The following C2orf66 variants were observed in gnomAD, a reference collection of about 807,000 sequenced individuals.
C2orf66 encodes the protein uncharacterized protein C2orf66.
A neutral mutation model predicts 7.0 loss-of-function variants in C2orf66; 6 were observed. The ratio of observed to expected loss-of-function variants is 0.86; its 90% CI spans 0.47 to 1.69. The LOEUF is 1.69. Ranked by LOEUF, C2orf66 falls within the 40% of genes most tolerant of loss-of-function variation. The pLI, the probability that C2orf66 is intolerant of heterozygous loss-of-function variation, is 0.01. For missense variants in C2orf66, 107 were observed against 112.0 expected (o/e 0.96, Z 0.20); for synonymous variants, 38 against 43.8 (o/e 0.87, Z 0.52).
chr2:196,814,346 C>T (rs900215617), upstream of C2orf66, among the ~76,000 whole-genome samples: 2 of 152,094 alleles, frequency 1.3e-5, no homozygotes, highest in Non-Finnish European at 2.9e-5. Context: ...ACTGCATGTT[C>T]TCACTCAATA....
the C2orf66 span, among the ~76,000 whole-genome samples, chr2:196,828,349 C>T: frequency 5.7e-3 from 859 of 152,034 alleles, 13 homozygotes; most frequent in African/African-American, 0.02. Context: ...GGACTTTTCT[C>T]TCACTGAAAC....
chr2:196,807,763 G>GT (rs11378936), intron 1 of C2orf66, 141 bp from the exon 2 acceptor site: 79,638 of 672,292 alleles, frequency 0.12, 5,260 homozygotes, highest in Middle Eastern at 0.16. Flanking sequence ...AGAAATACAA[G>GT]TACATGCTTC....
At chr2:196,807,012 C>T (rs1030017079) in intron 2 of C2orf66, among the ~76,000 whole-genome samples, 1 of 152,140 alleles carries the variant, frequency 6.6e-6, no homozygotes, top group Non-Finnish European at 1.5e-5. Context: ...CCCCAAAGAA[C>T]CATACTTTCA....
the C2orf66 span, among the ~76,000 whole-genome samples, chr2:196,821,038 A>T: frequency 6.6e-6 from 1 of 152,194 alleles, no homozygotes; most frequent in Non-Finnish European, 1.5e-5. Flanking sequence ...TAAGAGAGGC[A>T]GGGGGAGATT....
chr2:196,806,673 A>T (rs1334040453), intron 2 of C2orf66, among the ~76,000 whole-genome samples: 4 of 149,442 alleles, frequency 2.7e-5, no homozygotes, highest in Admixed American at 6.7e-5. Context: ...ATATGGTGAA[A>T]CCCTGTCTCT....
chr2:196,806,332 G>T (rs1180361171), intron 2 of C2orf66, among the ~76,000 whole-genome samples: 1 of 151,914 alleles, frequency 6.6e-6, no homozygotes, highest in Non-Finnish European at 1.5e-5. Context: ...CAAGTAGCTG[G>T]GACTACAGGC....
At chr2:196,813,120 CA>C (rs1290335150), upstream of C2orf66, among the ~76,000 whole-genome samples, 1 of 151,656 alleles carries the variant, frequency 6.6e-6, no homozygotes, top group African/African-American at 2.4e-5. Flanking sequence ...CCCACATAGC[CA>C]AAAAGAAGAA....
chr2:196,812,959 T>A (rs530818382), upstream of C2orf66, among the ~76,000 whole-genome samples: 1 of 152,318 alleles, frequency 6.6e-6, no homozygotes, highest in East Asian at 1.9e-4. Context: ...AAACATTCCA[T>A]GCTCATGGAT....
chr2:196,807,576 A>G lies in C2orf66; in HGVS notation c.170T>C (p.Leu57Pro). ...GGGGAAAGGATTTGGAAATGTTCCA[A>G]GATCAAGACCTCTGCCCTTAAAATA... ...QAYFKGRGLD[L>P]GTFPNPFPTN... The change falls in exon 2 of 3, where the codon CTT becomes CCT. Residue 57 changes from leucine to proline, a missense_variant. By Grantham distance (98) the Leu-to-Pro change is moderately conservative (BLOSUM62 -3). Transcript: ENST00000342506. The G allele has an allele frequency of 6.2e-7, 1 of 1,613,986 alleles. No homozygotes were observed. Among genetic ancestry groups the G allele is most frequent in the Non-Finnish European group, 8.5e-7 (1 of 1,179,950 alleles).
chr2:196,831,143 A>G, the C2orf66 span, among the ~76,000 whole-genome samples: 7 of 152,124 alleles, frequency 4.6e-5, no homozygotes, highest in African/African-American at 1.4e-4. Flanking sequence ...CCAAAGGACT[A>G]TCTGGGGGAA....
At chr2:196,829,395 T>G in the C2orf66 span, among the ~76,000 whole-genome samples, 1 of 151,836 alleles carries the variant, frequency 6.6e-6, no homozygotes, top group Non-Finnish European at 1.5e-5. Context: ...TTGAGACCAG[T>G]CTGGACAACA....
At chr2:196,828,214 T>C in the C2orf66 span, among the ~76,000 whole-genome samples, 1 of 130,722 alleles carries the variant, frequency 7.6e-6, no homozygotes. Context: ...TCAAAATCTC[T>C]CTCTCTCTCT....
the C2orf66 span, among the ~76,000 whole-genome samples, chr2:196,820,348 A>T: frequency 6.6e-6 from 1 of 152,210 alleles, no homozygotes; most frequent in Non-Finnish European, 1.5e-5. Context: ...CCCATACGTC[A>T]TAGGAGATAT....
At chr2:196,816,458 T>C in the C2orf66 span, among the ~76,000 whole-genome samples, 2 of 152,240 alleles carry the variant, frequency 1.3e-5, no homozygotes, top group African/African-American at 2.4e-5. Context: ...TGGAGAAATC[T>C]GTCGTATTCT....
chr2:196,814,994 G>A, the C2orf66 span, among the ~76,000 whole-genome samples: 10 of 151,978 alleles, frequency 6.6e-5, no homozygotes, highest in South Asian at 4.2e-4. Context: ...AGACAGGGCC[G>A]TACTCTGCCA....
At chr2:196,821,719 A>G in the C2orf66 span, among the ~76,000 whole-genome samples, 1 of 152,298 alleles carries the variant, frequency 6.6e-6, no homozygotes, top group African/African-American at 2.4e-5. Context: ...ATAAAGTTAT[A>G]TAAGTATTTG....
At chr2:196,830,423 C>T in the C2orf66 span, among the ~76,000 whole-genome samples, 1 of 152,204 alleles carries the variant, frequency 6.6e-6, no homozygotes, top group Non-Finnish European at 1.5e-5. Flanking sequence ...TGAAGAACAG[C>T]TCTCCTAATC....
the C2orf66 span, among the ~76,000 whole-genome samples, chr2:196,830,105 C>G: frequency 6.6e-6 from 1 of 152,160 alleles, no homozygotes; most frequent in African/African-American, 2.4e-5. Context: ...TGTACTAAAA[C>G]TCTCAAATTA....
upstream of C2orf66, among the ~76,000 whole-genome samples, chr2:196,812,619 A>G (rs913790000): frequency 2.2e-4 from 33 of 152,346 alleles, no homozygotes; most frequent in Admixed American, 1.9e-3. Flanking sequence ...AGTGTATTCA[A>G]TTAGGAAAAG....
Sources: allele counts gnomAD v4.1 joint callset (sites outside exome capture counted in the v4.1 genomes callset), GRCh38; gene constraint gnomAD v4.1.1; transcripts MANE v1.5; gene names NCBI Gene and HGNC (gene_info 2026-07-23, HGNC 2026-07-21).